Variants in ACOXL observed in about 807,000 individuals in gnomAD.
The protein encoded by ACOXL is acyl-CoA oxidase like.
A neutral mutation model predicts 71.9 loss-of-function variants in ACOXL; 70 were observed. The observed-to-expected ratio is 0.97, with a 90% CI of 0.80 to 1.19. The LOEUF (loss-of-function observed/expected upper bound fraction) is 1.19, where lower values mean the gene tolerates loss of function less well. ACOXL is among the 50% of genes most tolerant of loss of function. The pLI is 0.00. For missense variants in ACOXL, 703 were observed against 736.3 expected (o/e 0.95, Z 0.52); for synonymous variants, 253 against 281.6 (o/e 0.90, Z 1.02).
chr2:111,026,595 TTTTTA>T (rs1465113271), intron 14 of ACOXL, among the ~76,000 whole-genome samples: 3 of 151,732 alleles, frequency 2.0e-5, no homozygotes, highest in African/African-American at 4.8e-5. Context: ...GTAAATGGCA[TTTTTA>T]TTTTGAGTTC....
At chr2:110,921,835 A>G (rs530525293) in intron 11 of ACOXL, among the ~76,000 whole-genome samples, 49 of 152,294 alleles carry the variant, frequency 3.2e-4, no homozygotes, top group African/African-American at 1.1e-3. Flanking sequence ...TGCAATTTCA[A>G]TTAGTTAAAA....
At chr2:110,789,093 C>T (rs1375918299) in intron 3 of ACOXL, among the ~76,000 whole-genome samples, 2 of 152,210 alleles carry the variant, frequency 1.3e-5, no homozygotes, top group African/African-American at 4.8e-5. Flanking sequence ...GCACCTTGGA[C>T]AAACTCATTT....
intron 14 of ACOXL, among the ~76,000 whole-genome samples, chr2:111,024,680 G>A (rs1360897288): frequency 6.6e-6 from 1 of 152,082 alleles, no homozygotes; most frequent in Non-Finnish European, 1.5e-5. Flanking sequence ...TGGTGGCTGA[G>A]TTCCAAGCAG....
In ACOXL at chr2:111,031,856, C is replaced by T. The variant is rs560540423; in HGVS notation, c.1369+142C>T. On this transcript the variant is annotated intron_variant, in intron 15 of 17. Transcript: ENST00000439055. The stretch of plus-strand genomic sequence containing the variant: ...GTGTTGAATTTAGGGCCCCAAGTGA[C>T]TTACAGAGACTTGAAGCTTGTGGTA... The T allele has an allele frequency of 3.6e-4, 273 of 758,168 alleles. 1 individual carries two copies. In the African/African-American group the frequency reaches 4.4e-3, roughly 12 times the overall value. 47.0% of individuals were successfully genotyped at this position (758,168 alleles called of 1,614,324 possible).
At chr2:110,754,393 T>G (rs138972205) in intron 1 of ACOXL, among the ~76,000 whole-genome samples, 1 of 152,224 alleles carries the variant, frequency 6.6e-6, no homozygotes, top group African/African-American at 2.4e-5. Context: ...TGAGAGTTTA[T>G]TCCCTATGTA....
intron 11 of ACOXL, among the ~76,000 whole-genome samples, chr2:110,910,742 A>T (rs2059623222): frequency 6.6e-6 from 1 of 152,284 alleles, no homozygotes; most frequent in Admixed American, 6.5e-5. Context: ...GCCATTGTAT[A>T]TCTTCTCTGT....
chr2:111,032,428 G>A (rs2065320817), intron 15 of ACOXL, among the ~76,000 whole-genome samples: 1 of 152,108 alleles, frequency 6.6e-6, no homozygotes, highest in Non-Finnish European at 1.5e-5. Context: ...GGCTTCAGTC[G>A]ACCAAAATAG....
chr2:110,843,675 T>C (rs1691452932), intron 10 of ACOXL, among the ~76,000 whole-genome samples: 1 of 152,210 alleles, frequency 6.6e-6, no homozygotes, highest in Non-Finnish European at 1.5e-5. Flanking sequence ...GCTTGCCTCT[T>C]TAGGCTCCAG....
intron 9 of ACOXL, among the ~76,000 whole-genome samples, chr2:110,818,423 A>ATATATG (rs1357904918): frequency 3.6e-5 from 5 of 137,694 alleles, no homozygotes; most frequent in African/African-American, 1.1e-4. Context: ...ATATATATAT[A>ATATATG]TGTGTGTGTG....
intron 8 of ACOXL, among the ~76,000 whole-genome samples, chr2:110,802,119 A>G (rs1028521805): frequency 3.9e-5 from 6 of 152,234 alleles, no homozygotes; most frequent in African/African-American, 1.4e-4. Flanking sequence ...ACACACATGC[A>G]TTATCATCTT....
intron 9 of ACOXL, among the ~76,000 whole-genome samples, chr2:110,819,392 G>A (rs574186788): frequency 1.3e-5 from 2 of 152,316 alleles, no homozygotes; most frequent in Non-Finnish European, 2.9e-5. Flanking sequence ...AGGGAAGGAA[G>A]TGTGGGTTTG....
intron 10 of ACOXL, among the ~76,000 whole-genome samples, chr2:110,883,143 T>C (rs1696876918): frequency 7.5e-6 from 1 of 133,420 alleles, no homozygotes; most frequent in African/African-American, 2.8e-5. Context: ...ACGATCTCAC[T>C]CTGTTGCCCA....
chr2:111,108,522 G>C (rs1377253966), intron 17 of ACOXL, among the ~76,000 whole-genome samples: 1 of 151,928 alleles, frequency 6.6e-6, no homozygotes, highest in East Asian at 1.9e-4. Flanking sequence ...AGGATTACAG[G>C]CATGTGCCAC....
chr2:111,003,575 A>AAAAAAAAAAAAAC (rs2063740096), intron 14 of ACOXL, among the ~76,000 whole-genome samples: 1 of 145,026 alleles, frequency 6.9e-6, no homozygotes, highest in Non-Finnish European at 1.5e-5. Context: ...AAAAAAAAAA[A>AAAAAAAAAAAAAC]AAAAGAATCA....
chr2:111,112,761 G>A (rs947016893), intron 17 of ACOXL, among the ~76,000 whole-genome samples: 1 of 152,240 alleles, frequency 6.6e-6, no homozygotes, highest in Non-Finnish European at 1.5e-5. Context: ...ATCCAAAGCA[G>A]CAGGGAGGGG....
At position 110,987,205 on chromosome 2, in the gene ACOXL, A is replaced by G; in HGVS notation, c.1157A>G (p.Lys386Arg). The G allele has an allele frequency of 6.4e-7, 1 of 1,572,832 alleles. No individual in the cohort carries two copies. The highest frequency in any genetic ancestry group is 8.6e-7 in the Non-Finnish European group (1 of 1,156,166). ...AACTGGGCTGAATCTGTGGGGGACAAGCTGAGAACCAGGTACGTATTACTC... is the reference window on the plus strand; with the variant it reads ...AACTGGGCTGAATCTGTGGGGGACAGGCTGAGAACCAGGTACGTATTACTC... ...LQNWAESVGD[K>R]LRTSFLAFNM... is the part of the protein sequence containing the mutation. The change falls in exon 13 of 18, where the codon AAG becomes AGG. Residue 386 changes from lysine (K) to arginine (R), a missense_variant. Lys to Arg is a conservative substitution (Grantham distance 26, BLOSUM62 2). Coordinates refer to ENST00000439055, the MANE Select transcript of ACOXL (RefSeq NM_001142807.4).
intron 12 of ACOXL, among the ~76,000 whole-genome samples, chr2:110,943,066 AG>A: frequency 6.7e-6 from 1 of 148,694 alleles, no homozygotes; most frequent in Admixed American, 6.7e-5. Context: ...AAAAGGAAGA[AG>A]GAAGGAAGAA....
chr2:111,065,866 G>C (rs2067045249), intron 16 of ACOXL, among the ~76,000 whole-genome samples: 2 of 152,166 alleles, frequency 1.3e-5, no homozygotes, highest in Admixed American at 1.3e-4. Context: ...ATAAACAACA[G>C]TGATAACACG....
intron 14 of ACOXL, among the ~76,000 whole-genome samples, chr2:111,003,495 G>A (rs1252673039): frequency 6.9e-5 from 9 of 129,704 alleles, no homozygotes; most frequent in South Asian, 2.7e-4. Context: ...AGGTTGCAGC[G>A]AACCGAGATT....
Sources: gnomAD v4.1 joint callset for allele counts (sites outside exome capture counted in the v4.1 genomes callset) on GRCh38, gnomAD v4.1.1 for gene constraint, MANE v1.5 for transcripts, NCBI Gene and HGNC (gene_info 2026-07-23, HGNC 2026-07-21) for gene names.